GPR107: variants seen among roughly 807,000 people sequenced by gnomAD.
The protein encoded by GPR107 is G protein-coupled receptor 107.
Under a neutral mutation model 75.5 loss-of-function variants are expected in GPR107, and 31 were observed. The observed-to-expected ratio is 0.41, with a 90% confidence interval of 0.31 to 0.55. The LOEUF (loss-of-function observed/expected upper bound fraction) is 0.55, where lower values mean the gene tolerates loss of function less well. Ranked by LOEUF, GPR107 falls within the 20% of genes least tolerant of loss-of-function variation. The pLI, the probability that GPR107 is intolerant of heterozygous loss-of-function variation, is 0.26. For missense variants in GPR107, 572 were observed against 665.7 expected (o/e 0.86, Z 1.55); for synonymous variants, 267 against 251.3 (o/e 1.06, Z -0.59).
intron 14 of GPR107, among the ~76,000 whole-genome samples, chr9:130,118,094 T>C (rs1831468576): frequency 6.6e-6 from 1 of 152,208 alleles, no homozygotes; most frequent in Non-Finnish European, 1.5e-5. Flanking sequence ...GGTTTGCGTA[T>C]TGGCTTCTCC....
At chr9:130,082,894 G>A (rs1322190466) in intron 5 of GPR107, among the ~76,000 whole-genome samples, 2 of 151,776 alleles carry the variant, frequency 1.3e-5, no homozygotes, top group East Asian at 3.9e-4. Context: ...ATTACTTGCT[G>A]TTAACTTTTT....
At chr9:130,062,797 G>A in intron 1 of GPR107, among the ~76,000 whole-genome samples, 1 of 150,748 alleles carries the variant, frequency 6.6e-6, no homozygotes, top group East Asian at 2.0e-4. Flanking sequence ...ATAGCTCACT[G>A]CAGCCTCAAA....
intron 14 of GPR107, among the ~76,000 whole-genome samples, chr9:130,123,022 C>G (rs1467264822): frequency 2.0e-5 from 3 of 152,000 alleles, no homozygotes; most frequent in African/African-American, 7.2e-5. Context: ...TGATGAGAAC[C>G]AGAGAGATTT....
chr9:130,137,558 A>AC lies in GPR107; in HGVS notation c.*2441dup. The AC allele has an allele frequency of 6.6e-6, 1 of 152,188 alleles. No homozygotes were observed. The highest frequency in any genetic ancestry group is 1.9e-4 in the East Asian group (1 of 5,196). 9.4% of individuals were successfully genotyped at this position (152,188 alleles called of 1,614,324 possible). A position where few individuals can be genotyped will look rare whatever the true frequency, so the allele number is the denominator to read the frequency against. On this transcript the variant is annotated 3_prime_UTR_variant, in exon 18 of 18. Transcript: ENST00000347136. The stretch of plus-strand genomic sequence containing the variant: ...AGATTGATGATCAAGAAAAGTCAAA[A>AC]CCCCAGCCCAAGATTGGGAAAGCAG...
chr9:130,078,886 G>C (rs992453963), intron 4 of GPR107, among the ~76,000 whole-genome samples: 2 of 152,190 alleles, frequency 1.3e-5, no homozygotes, highest in South Asian at 2.1e-4. Context: ...TCATGAGAAG[G>C]GGGAAGGGTG....
chr9:130,125,400 CTTT>C (rs386416334), intron 15 of GPR107, among the ~76,000 whole-genome samples: 1 of 135,636 alleles, frequency 7.4e-6, no homozygotes, highest in Non-Finnish European at 1.6e-5. Context: ...TGCTTTTTTG[CTTT>C]TTTTTTTTTT....
intron 14 of GPR107, among the ~76,000 whole-genome samples, chr9:130,117,806 G>A (rs1188026131): frequency 2.0e-5 from 3 of 152,176 alleles, no homozygotes; most frequent in Non-Finnish European, 2.9e-5. Context: ...TACACTCAGG[G>A]AAGGATTGTT....
chr9:130,093,826 T>TC (rs1222403413), intron 9 of GPR107, among the ~76,000 whole-genome samples: 1 of 151,934 alleles, frequency 6.6e-6, no homozygotes, highest in Admixed American at 6.6e-5. Context: ...TTTTTTTTTT[T>TC]CAAGATGGAT....
chr9:130,055,955 A>G (rs1283499092), intron 1 of GPR107, among the ~76,000 whole-genome samples: 2 of 152,004 alleles, frequency 1.3e-5, no homozygotes, highest in African/African-American at 4.8e-5. Context: ...TCAAATAAAT[A>G]AATAAATAAA....
intron 1 of GPR107, among the ~76,000 whole-genome samples, chr9:130,070,030 G>A (rs1174935108): frequency 1.0e-5 from 1 of 100,428 alleles, no homozygotes; most frequent in African/African-American, 3.8e-5. Context: ...TTGAGACAGG[G>A]TCTTGCTCTG....
intron 4 of GPR107, among the ~76,000 whole-genome samples, chr9:130,078,951 G>C (rs1416641525): frequency 6.6e-6 from 1 of 152,082 alleles, no homozygotes; most frequent in African/African-American, 2.4e-5. Context: ...TGCTTCCCTG[G>C]ATTTCACTTG....
chr9:130,131,743 C>T (rs1831832217), intron 17 of GPR107, among the ~76,000 whole-genome samples: 1 of 152,168 alleles, frequency 6.6e-6, no homozygotes, highest in Non-Finnish European at 1.5e-5. Flanking sequence ...AACCACGTCC[C>T]TCTTCCTCAG....
chr9:130,085,459 A>G (rs902925014), intron 6 of GPR107, among the ~76,000 whole-genome samples: 2 of 152,194 alleles, frequency 1.3e-5, no homozygotes, highest in Non-Finnish European at 2.9e-5. Context: ...TAATTGACCT[A>G]AAATAAACTG....
At chr9:130,072,546 A>G (rs772990196) in intron 1 of GPR107, among the ~76,000 whole-genome samples, 2 of 152,028 alleles carry the variant, frequency 1.3e-5, no homozygotes, top group Non-Finnish European at 2.9e-5. Flanking sequence ...ACCTCAGGTG[A>G]TCTGCCTGCT....
rs553353816 is a variant in GPR107, at chr9:130,101,620, C to T, written c.1131+397C>T. The stretch of plus-strand genomic sequence containing the variant: ...AACCGTGAACTACACCAGTGAGTTT[C>T]CACAGGTAGAATATGGTAGTAGACG... On this transcript the variant is annotated intron_variant, in intron 12 of 17. Transcript: ENST00000347136. Among the ~76,000 whole-genome samples the T allele has an allele frequency of 5.3e-5, 8 of 152,350 alleles. No homozygotes were observed. The South Asian group carries it at 1.7e-3, about 32-fold the overall frequency.
intron 1 of GPR107, among the ~76,000 whole-genome samples, chr9:130,062,618 C>T (rs1028403335): frequency 1.8e-5 from 1 of 56,176 alleles, no homozygotes; most frequent in African/African-American, 6.4e-5. Context: ...GCCTGCCTGC[C>T]TGCCTTCCTG....
At chr9:130,098,381 A>G (rs1830932405) in intron 9 of GPR107, among the ~76,000 whole-genome samples, 1 of 152,132 alleles carries the variant, frequency 6.6e-6, no homozygotes, top group African/African-American at 2.4e-5. Flanking sequence ...TGACCCTGGC[A>G]CTTTCTCCTC....
At chr9:130,118,651 C>T (rs190221027) in intron 14 of GPR107, among the ~76,000 whole-genome samples, 143 of 152,030 alleles carry the variant, frequency 9.4e-4, no homozygotes, top group Middle Eastern at 6.8e-3. Flanking sequence ...ATGACACCCT[C>T]CCCAACCCCC....
At chr9:130,075,453 C>T (rs1220298955) in intron 1 of GPR107, among the ~76,000 whole-genome samples, 183 bp from the exon 2 acceptor site, 1 of 152,036 alleles carries the variant, frequency 6.6e-6, no homozygotes, top group East Asian at 1.9e-4. Flanking sequence ...GCCATGTTGG[C>T]CAGTGTGGTC....
Sources: gnomAD v4.1 joint callset for allele counts (sites outside exome capture counted in the v4.1 genomes callset) on GRCh38, gnomAD v4.1.1 for gene constraint, MANE v1.5 for transcripts, NCBI Gene and HGNC (gene_info 2026-07-23, HGNC 2026-07-21) for gene names.